Variants in BCL9 observed in about 807,000 individuals in gnomAD.
BCL9 encodes the protein B-cell CLL/lymphoma 9 protein.
In BCL9, 25 loss-of-function variants were observed where a neutral mutation model predicts 88.5. The observed-to-expected ratio is 0.28, with a 90% CI of 0.21 to 0.39. The LOEUF is 0.39. BCL9 is among the 10% of genes least tolerant of loss of function. The probability of loss-of-function intolerance (pLI) is 1.00; values close to 1 mark genes in which losing one functional copy is unlikely to be tolerated. For synonymous variants in BCL9, 711 were observed against 673.3 expected, an observed-to-expected ratio of 1.06 and a Z score of -0.87; for missense variants, 1,817 against 1,877.8, an observed-to-expected ratio of 0.97 and a Z score of 0.60.
intron 1 of BCL9, among the ~76,000 whole-genome samples, chr1:147,543,197 G>A (rs1484794332): frequency 6.6e-6 from 1 of 152,166 alleles, no homozygotes; most frequent in Non-Finnish European, 1.5e-5. Flanking sequence ...CCTACACATT[G>A]ATTGTTTAAA....
intron 1 of BCL9, among the ~76,000 whole-genome samples, chr1:147,568,952 G>A (rs1655737134): frequency 6.6e-6 from 1 of 152,084 alleles, no homozygotes; most frequent in South Asian, 2.1e-4. Flanking sequence ...GAAATCATAA[G>A]ATAAATGTTT....
At chr1:147,553,152 G>A (rs144080723) in intron 1 of BCL9, among the ~76,000 whole-genome samples, 10 of 152,242 alleles carry the variant, frequency 6.6e-5, no homozygotes, top group African/African-American at 2.4e-4. Flanking sequence ...TCCGAATCCT[G>A]TTTAAAGAGG....
At chr1:147,613,678 T>A (rs1553203162) in intron 5 of BCL9, among the ~76,000 whole-genome samples, 3 of 152,186 alleles carry the variant, frequency 2.0e-5, no homozygotes, top group Non-Finnish European at 4.4e-5. Flanking sequence ...TTAATGGCCC[T>A]GGCAGTAGTC....
At chr1:147,569,998 A>G (rs1358135418) in intron 1 of BCL9, among the ~76,000 whole-genome samples, 1 of 152,236 alleles carries the variant, frequency 6.6e-6, no homozygotes, top group Non-Finnish European at 1.5e-5. Flanking sequence ...TATGTTGAAT[A>G]TAAAGACTCT....
At chr1:147,584,751 A>G (rs888926162) in intron 1 of BCL9, among the ~76,000 whole-genome samples, 7 of 152,176 alleles carry the variant, frequency 4.6e-5, no homozygotes, top group Admixed American at 3.9e-4. Context: ...CTTTTGGTCA[A>G]TTTGTCAGGA....
chr1:147,600,067 C>A (rs1466173278), intron 1 of BCL9: 1 of 85,364 alleles, frequency 1.2e-5, no homozygotes, highest in Non-Finnish European at 2.2e-5. Flanking sequence ...CTGTACCTTT[C>A]GTGGCGCGGT....
Position 147,622,281 on chromosome 1 carries a change from A to G in BCL9, c.2913A>G (p.Pro971=), listed in dbSNP as rs1557863661. The G allele has an allele frequency of 1.2e-6, 2 of 1,613,734 alleles. No homozygotes were observed. Among genetic ancestry groups the G allele is most frequent in the Non-Finnish European group, 1.7e-6 (2 of 1,179,954 alleles). ...MLGNVESGGP[P]PPTASQPASV... ...TTTGCTTCCTTTTAGGTGGCCCCCC[A>G]CCTCCTACAGCCAGCCAGCCTGCCT... Residue 971 remains proline (P), a synonymous_variant, in exon 9 of 10, where the codon CCA becomes CCG. Transcript: ENST00000234739.
chr1:147,612,400 T>A (rs1658054834), intron 4 of BCL9, among the ~76,000 whole-genome samples: 1 of 152,204 alleles, frequency 6.6e-6, no homozygotes, highest in Non-Finnish European at 1.5e-5. Flanking sequence ...GGGATTAGTA[T>A]CCTGGAGGAT....
At chr1:147,567,682 T>G (rs1487783295) in intron 1 of BCL9, among the ~76,000 whole-genome samples, 1 of 152,154 alleles carries the variant, frequency 6.6e-6, no homozygotes. Context: ...AAGGAAAATA[T>G]GTGGGGAAAT....
chr1:147,585,512 A>G (rs979628760), intron 1 of BCL9, among the ~76,000 whole-genome samples: 6 of 152,132 alleles, frequency 3.9e-5, no homozygotes, highest in East Asian at 1.9e-4. Flanking sequence ...ATTAATTGCT[A>G]TGTAGTCCAG....
In BCL9 at chr1:147,618,857, C is replaced by T; in HGVS notation, c.702C>T (p.Leu234=). ...CCCTTCGGAATGATCCGAAACCTCT[C>T]CCACAACAGCCCCCAGCTCCGGCCA... The part of the protein sequence containing the change: ...ISALRNDPKP[L]PQQPPAPANQ... Residue 234 remains leucine (L), a synonymous_variant, in exon 8 of 10, where the codon CTC becomes CTT. Coordinates refer to ENST00000234739, the MANE Select transcript of BCL9 (RefSeq NM_004326.4). 1 of 1,591,958 alleles carries T rather than the reference C, an allele frequency of 6.3e-7. No homozygotes were observed. The highest frequency in any genetic ancestry group is 8.5e-7 in the Non-Finnish European group (1 of 1,170,350).
At chr1:147,569,473 C>A (rs1280475324) in intron 1 of BCL9, among the ~76,000 whole-genome samples, 816 of 124,434 alleles carry the variant, frequency 6.6e-3, no homozygotes, top group Middle Eastern at 8.7e-3. Context: ...TACTAAAATA[C>A]AAAAAAAAAA....
chr1:147,591,818 C>T (rs1656856236), intron 1 of BCL9, among the ~76,000 whole-genome samples: 1 of 152,154 alleles, frequency 6.6e-6, no homozygotes, highest in African/African-American at 2.4e-5. Flanking sequence ...CTAATCATTG[C>T]TTCCCGTCCT....
intron 1 of BCL9, among the ~76,000 whole-genome samples, chr1:147,602,895 G>A (rs761131988): frequency 2.6e-4 from 39 of 152,310 alleles, no homozygotes; most frequent in Non-Finnish European, 5.0e-4. Flanking sequence ...TTAGAGCCTT[G>A]GATGTAGAAT....
chr1:147,560,489 G>A (rs1006530375), intron 1 of BCL9, among the ~76,000 whole-genome samples: 4 of 151,652 alleles, frequency 2.6e-5, no homozygotes, highest in African/African-American at 4.8e-5. Context: ...ACTCAGGGGC[G>A]GGATGGGGGT....
At chr1:147,596,421 T>C (rs1339863699) in intron 1 of BCL9, among the ~76,000 whole-genome samples, 2 of 143,594 alleles carry the variant, frequency 1.4e-5, no homozygotes, top group African/African-American at 5.1e-5. Context: ...CTTTTCTTTT[T>C]TTTTTTTTTT....
At chr1:147,599,024 C>T (rs951047249) in intron 1 of BCL9, among the ~76,000 whole-genome samples, 4 of 152,220 alleles carry the variant, frequency 2.6e-5, no homozygotes, top group African/African-American at 9.6e-5. Context: ...GGCTTTGACC[C>T]CTTCAGAGCA....
chr1:147,591,952 G>A (rs969118155), intron 1 of BCL9, among the ~76,000 whole-genome samples: 1 of 152,184 alleles, frequency 6.6e-6, no homozygotes. Context: ...TGGAGGAGGG[G>A]TATTTATCCA....
intron 7 of BCL9, among the ~76,000 whole-genome samples, chr1:147,617,280 T>C (rs1658332646): frequency 6.6e-6 from 1 of 152,212 alleles, no homozygotes; most frequent in South Asian, 2.1e-4. Context: ...TCTCTGGTAC[T>C]AAAATCAGGA....
Sources: gnomAD v4.1 joint callset for allele counts (sites outside exome capture counted in the v4.1 genomes callset) on GRCh38, gnomAD v4.1.1 for gene constraint, MANE v1.5 for transcripts, NCBI Gene and HGNC (gene_info 2026-07-23, HGNC 2026-07-21) for gene names.